The following CEP76 variants were observed in gnomAD, a reference collection of about 807,000 sequenced individuals.
The protein encoded by CEP76 is centrosomal protein of 76 kDa.
Under a neutral mutation model 83.3 loss-of-function variants are expected in CEP76, and 55 were observed. The observed-to-expected ratio is 0.66, with a 90% CI of 0.53 to 0.83. CEP76 has a LOEUF of 0.83. Among genes scored for constraint, CEP76 ranks in the 40% least tolerant of loss-of-function variants. The pLI is 0.00. For synonymous variants in CEP76, 270 were observed against 274.5 expected, an observed-to-expected ratio of 0.98 and a Z score of 0.16; for missense variants, 694 against 799.5, an observed-to-expected ratio of 0.87 and a Z score of 1.59.
chr18:12,675,134 C>T (rs968782149), intron 10 of CEP76, among the ~76,000 whole-genome samples: 1 of 152,138 alleles, frequency 6.6e-6, no homozygotes, highest in African/African-American at 2.4e-5. Flanking sequence ...CGGTGGCTCA[C>T]GCCTGTAATC....
At chr18:12,673,620 C>G (rs1356742633) in intron 11 of CEP76, 117 bp from the exon 12 acceptor site, 1 of 739,978 alleles carries the variant, frequency 1.4e-6, no homozygotes, top group African/African-American at 1.9e-5. Context: ...TGGCTCATGC[C>G]TGTAATCCCA....
chr18:12,668,470 G>A (rs376923503), downstream of CEP76, among the ~76,000 whole-genome samples: 229 of 151,176 alleles, frequency 1.5e-3, 1 homozygote, highest in African/African-American at 5.2e-3. Flanking sequence ...GCATAGTGGT[G>A]TGCACCTGTG....
intron 8 of CEP76, chr18:12,684,387 T>C (rs1331603909): frequency 2.0e-5 from 3 of 152,096 alleles, no homozygotes; most frequent in Admixed American, 6.6e-5. Flanking sequence ...AGTGCTGGAA[T>C]TGCGGGCATG....
rs1185092223 is a variant in CEP76, at chr18:12,673,094, G to A, written c.*271C>T. The A allele has an allele frequency of 4.9e-6, 5 of 1,022,316 alleles. No individual in the cohort carries two copies. The highest frequency in any genetic ancestry group is 6.0e-6 in the Non-Finnish European group (5 of 836,926). The allele number at this position is 1,022,316 out of a possible 1,614,324, so 63.3% of individuals were successfully genotyped here. On this transcript the variant is annotated 3_prime_UTR_variant, in exon 12 of 12. Coordinates refer to ENST00000262127, the MANE Select transcript of CEP76 (RefSeq NM_024899.4). ...ATTTTATATTAATATTTAAACTACT[G>A]ATAACTGTAAACAAAGTAGCATTTA...
rs771255279 is a variant in CEP76, at chr18:12,695,282, G to A, written c.776C>T (p.Thr259Met). The A allele has an allele frequency of 3.4e-5, 53 of 1,557,112 alleles. No homozygotes were observed. Among genetic ancestry groups the A allele is most frequent in the East Asian group, 2.7e-4 (12 of 44,266 alleles). The change falls in exon 6 of 12, where the codon ACG (threonine) becomes ATG (methionine). Residue 259 changes from threonine (T) to methionine (M), a missense_variant. Thr to Met is a moderately conservative substitution (Grantham distance 81). Transcript: ENST00000262127. ...TGTGTTCACTACTTCTTGAGATAAC[G>A]TTTGATTGAGTGGTGGATACATTTC... is the stretch of plus-strand genomic sequence containing the variant. ...KLEMYPPLNQ[T>M]LSQEVVNTQL...
At position 12,702,624 on chromosome 18, in the gene CEP76, A is replaced by G. The variant is rs1210969076; in HGVS notation, c.-76T>C. The G allele has an allele frequency of 5.4e-6, 8 of 1,478,520 alleles. No homozygotes were observed. In the African/African-American group the frequency reaches 7.1e-5, roughly 13 times the overall value. 91.6% of individuals were successfully genotyped at this position (1,478,520 alleles called of 1,614,324 possible). A position where few individuals can be genotyped will look rare whatever the true frequency, so the allele number is the denominator to read the frequency against. ...CTGCGCGGCCCCGGCCGGGCCAGGG[A>G]GCGTTAGGAGCGACTGGAGCACAAA... On this transcript the variant is annotated 5_prime_UTR_variant, in exon 1 of 12. Coordinates refer to ENST00000262127, the MANE Select transcript of CEP76 (RefSeq NM_024899.4).
chr18:12,691,416 T>C lies in CEP76; in HGVS notation c.876A>G (p.Arg292=). 1 of 1,608,124 alleles carries C rather than the reference T, an allele frequency of 6.2e-7. No homozygotes were observed. Among genetic ancestry groups the C allele is most frequent in the South Asian group, 1.1e-5 (1 of 89,798 alleles). Residue 292 remains arginine, a synonymous_variant, in exon 7 of 12, where the codon AGA becomes AGG. Coordinates refer to ENST00000262127, the MANE Select transcript of CEP76 (RefSeq NM_024899.4). ...GTGAGGGTCGAATTTGCAAATATTC[T>C]CTCCACCACTGCTTAGCATATACAA... ...LFLVYAKQWW[R]EYLQIRPSHN...
intron 6 of CEP76, among the ~76,000 whole-genome samples, chr18:12,694,337 T>C (rs1001235469): frequency 6.6e-6 from 1 of 151,938 alleles, no homozygotes; most frequent in Non-Finnish European, 1.5e-5. Flanking sequence ...GAGTAAAGGG[T>C]GGTGTATGTA....
downstream of CEP76, among the ~76,000 whole-genome samples, chr18:12,669,337 CCT>C (rs1366820504): frequency 6.6e-6 from 1 of 151,992 alleles, no homozygotes; most frequent in African/African-American, 2.4e-5. Flanking sequence ...GTCTCGAACT[CCT>C]GACCTCAGGT....
chr18:12,668,978 G>T (rs2038869010), downstream of CEP76, among the ~76,000 whole-genome samples: 2 of 144,294 alleles, frequency 1.4e-5, no homozygotes, highest in African/African-American at 5.2e-5. Flanking sequence ...TGATCCAGGT[G>T]ATCTGCCTGC....
chr18:12,702,454 C>T (rs769995500), intron 1 of CEP76, 32 bp downstream of exon 1: 13 of 1,541,964 alleles, frequency 8.4e-6, no homozygotes, highest in East Asian at 4.6e-5. Flanking sequence ...TGGGTCGGCC[C>T]GGCGGTCTCT....
intron 7 of CEP76, among the ~76,000 whole-genome samples, chr18:12,690,948 C>CT (rs1555646011): frequency 1.3e-5 from 2 of 151,464 alleles, no homozygotes; most frequent in East Asian, 2.0e-4. Flanking sequence ...AGCCCCCCCC[C>CT]GTTCTGCACA....
chr18:12,699,541 C>A (rs756753471), intron 3 of CEP76, among the ~76,000 whole-genome samples: 1 of 152,272 alleles, frequency 6.6e-6, no homozygotes, highest in Non-Finnish European at 1.5e-5. Context: ...ATCAATTCAG[C>A]AAGTGTATTT....
intron 7 of CEP76, 138 bp from the exon 8 acceptor site, chr18:12,686,588 C>T: frequency 1.6e-6 from 1 of 618,820 alleles, no homozygotes; most frequent in Non-Finnish European, 2.8e-6. Context: ...TATTTGGCTG[C>T]AAAGTGCTGT....
chr18:12,693,186 CTT>C (rs914058421), intron 6 of CEP76, among the ~76,000 whole-genome samples: 1 of 152,008 alleles, frequency 6.6e-6, no homozygotes, highest in Non-Finnish European at 1.5e-5. Context: ...ATAGAATAAA[CTT>C]ATGTTTTAGT....
downstream of CEP76, among the ~76,000 whole-genome samples, chr18:12,669,938 G>GGTGAGCCGAGATTGCA (rs386387089): frequency 4.6e-5 from 7 of 151,128 alleles, no homozygotes; most frequent in South Asian, 4.2e-4. Context: ...CGGAGGTTGC[G>GGTGAGCCGAGATTGCA]GTGAGCCGAG....
intron 8 of CEP76, among the ~76,000 whole-genome samples, chr18:12,682,509 A>G (rs1273330178): frequency 1.3e-5 from 2 of 152,146 alleles, no homozygotes; most frequent in Non-Finnish European, 2.9e-5. Flanking sequence ...TTTCTCCAAA[A>G]AATTGGATTT....
chr18:12,671,562 A>G (rs1239119178), downstream of CEP76, among the ~76,000 whole-genome samples: 3 of 151,478 alleles, frequency 2.0e-5, no homozygotes, highest in African/African-American at 7.3e-5. Flanking sequence ...TACTCTTTTT[A>G]AAGTTTACTT....
intron 9 of CEP76, 123 bp from the exon 10 acceptor site, chr18:12,678,565 T>C (rs1426094757): frequency 1.6e-6 from 1 of 625,806 alleles, no homozygotes; most frequent in Non-Finnish European, 2.7e-6. Context: ...TTAATACTTG[T>C]TTTTCTTTTT....
Sources: gnomAD v4.1 joint callset for allele counts (sites outside exome capture counted in the v4.1 genomes callset) on GRCh38, gnomAD v4.1.1 for gene constraint, MANE v1.5 for transcripts, NCBI Gene and HGNC (gene_info 2026-07-23, HGNC 2026-07-21) for gene names.